Variants in TOM1L1 observed in about 807,000 individuals in gnomAD.
The protein encoded by TOM1L1 is TOM1-like protein 1.
Under a neutral mutation model 63.4 loss-of-function variants are expected in TOM1L1, and 64 were observed. That is an observed-to-expected ratio of 1.01 (90% CI 0.83 to 1.24). TOM1L1 has a LOEUF of 1.24. TOM1L1 is among the 50% of genes most tolerant of loss of function. The pLI is 0.00. For missense variants in TOM1L1, 536 were observed against 567.0 expected (o/e 0.95, Z 0.55); for synonymous variants, 166 against 194.4 (o/e 0.85, Z 1.22).
intron 14 of TOM1L1, chr17:54,953,507 G>C (rs1052503684): frequency 6.6e-6 from 1 of 152,320 alleles, no homozygotes; most frequent in Non-Finnish European, 1.5e-5. Context: ...CAGTTACAGG[G>C]AACAGGTACC....
At chr17:54,921,506 A>T (rs2048683233) in intron 7 of TOM1L1, among the ~76,000 whole-genome samples, 1 of 152,014 alleles carries the variant, frequency 6.6e-6, no homozygotes, top group Non-Finnish European at 1.5e-5. Context: ...TTGAGAGGCC[A>T]AGGCGGGTGG....
At chr17:54,904,491 C>G (rs1002728669) in intron 2 of TOM1L1, among the ~76,000 whole-genome samples, 13 of 152,124 alleles carry the variant, frequency 8.5e-5, no homozygotes, top group Non-Finnish European at 1.5e-5. Context: ...TGGTTGACTC[C>G]CGGTGGTGAC....
chr17:54,932,041 A>C (rs1389878389), intron 8 of TOM1L1, among the ~76,000 whole-genome samples: 2 of 148,302 alleles, frequency 1.3e-5, no homozygotes, highest in Non-Finnish European at 3.0e-5. Context: ...TGCAACCTCC[A>C]CCTTCTGGGT....
chr17:54,951,525 C>T (rs922491790), intron 14 of TOM1L1, among the ~76,000 whole-genome samples: 2 of 152,170 alleles, frequency 1.3e-5, no homozygotes, highest in Non-Finnish European at 2.9e-5. Flanking sequence ...TAGAGAAGGT[C>T]GAGAGATTCT....
rs372586768 is a variant in TOM1L1, at chr17:54,913,835, C to G, written c.460C>G (p.Pro154Ala). ...CCTGGTTAAGAAAGGCGTTCAGTTT[C>G]CTCCCTCAGAAGCAGAGGCTGAAAC... ...LDLVKKGVQF[P>A]PSEAEAETAR... Residue 154 changes from proline to alanine, a missense_variant, in exon 5 of 16, where the codon CCT becomes GCT. Coordinates refer to ENST00000575882, the MANE Select transcript of TOM1L1 (RefSeq NM_005486.3). 6.8e-6 allele frequency: 11 copies of G among 1,611,346 alleles called. No individual in the cohort carries two copies. Among genetic ancestry groups the G allele is most frequent in the Non-Finnish European group, 9.3e-6 (11 of 1,178,398 alleles).
At chr17:54,945,606 T>C (rs1231707923) in intron 11 of TOM1L1, among the ~76,000 whole-genome samples, 2 of 152,236 alleles carry the variant, frequency 1.3e-5, no homozygotes, top group East Asian at 3.8e-4. Context: ...CTTTCTGTGA[T>C]TTATGTTCAA....
chr17:54,956,780 G>C (rs2049529291), intron 14 of TOM1L1: 1 of 152,144 alleles, frequency 6.6e-6, no homozygotes, highest in Non-Finnish European at 1.5e-5. Flanking sequence ...TTTATTACTT[G>C]TCACAAATAA....
chr17:54,939,622 A>G (rs2049004679), intron 11 of TOM1L1, among the ~76,000 whole-genome samples: 1 of 152,280 alleles, frequency 6.6e-6, no homozygotes, highest in African/African-American at 2.4e-5. Flanking sequence ...CAGTAGCACC[A>G]TTATAACTCA....
chr17:54,931,963 TGTTTG>T (rs2048868730), intron 8 of TOM1L1, among the ~76,000 whole-genome samples: 2 of 81,164 alleles, frequency 2.5e-5, no homozygotes, highest in South Asian at 3.6e-4. Context: ...TTTTTTTGTT[TGTTTG>T]TTTGTTTGTT....
At position 54,936,639 on chromosome 17, in the gene TOM1L1, A is replaced by G; in HGVS notation, c.855-10A>G. On this transcript the variant is annotated splice_polypyrimidine_tract_variant and intron_variant, in intron 8 of 15. Coordinates refer to ENST00000575882, the MANE Select transcript of TOM1L1 (RefSeq NM_005486.3). ...TTTTAAAAACACATGCATTTTGATC[A>G]TTTAAACAGGTTTACTAGAAACCAA... 1 of 1,593,364 alleles carries G rather than the reference A, an allele frequency of 6.3e-7. No homozygotes were observed.
chr17:54,936,317 A>C (rs2048945478), intron 8 of TOM1L1: 1 of 192,244 alleles, frequency 5.2e-6, no homozygotes, highest in African/African-American at 2.3e-5. Flanking sequence ...AGCATACTCA[A>C]ATTAGGATAC....
At position 54,902,599 on chromosome 17, in the gene TOM1L1, T is replaced by G. The variant is rs929090180; in HGVS notation, c.59-1109T>G. On this transcript the variant is annotated intron_variant, in intron 1 of 15. Coordinates refer to ENST00000575882, the MANE Select transcript of TOM1L1 (RefSeq NM_005486.3). ...AGCCACCGGGCCCCGCCTCAAGTGG[T>G]TCTTTTCCTGGATTGAAAGCAAGCT... Among the ~76,000 whole-genome samples, 18 of 152,190 alleles carry G rather than the reference T, an allele frequency of 1.2e-4. 1 individual carries two copies. Among genetic ancestry groups the G allele is most frequent in the Non-Finnish European group, 1.8e-4 (12 of 68,024 alleles).
At chr17:54,925,091 T>C (rs1449109825) in intron 7 of TOM1L1, among the ~76,000 whole-genome samples, 1 of 152,250 alleles carries the variant, frequency 6.6e-6, no homozygotes, top group African/African-American at 2.4e-5. Flanking sequence ...AGCAAAGAGA[T>C]GACATACTTC....
rs186115587 is a variant in TOM1L1 at position 54,903,546 on chromosome 17, T to C, written c.59-162T>C. 125 of 658,620 alleles carry C rather than the reference T, an allele frequency of 1.9e-4. No individual in the cohort carries two copies. The African/African-American group carries it at 2.1e-3, about 11-fold the overall frequency. The allele number at this position is 658,620 out of a possible 1,614,324, so 40.8% of individuals were successfully genotyped here. A position where few individuals can be genotyped will look rare whatever the true frequency, so the allele number is the denominator to read the frequency against. On this transcript the variant is annotated intron_variant, in intron 1 of 15. Coordinates refer to ENST00000575882, the MANE Select transcript of TOM1L1 (RefSeq NM_005486.3). The stretch of plus-strand genomic sequence containing the variant: ...GCAGCACTCTGAACTTGGGTTCTGA[T>C]TGATTCCTGAATTACTGAGAACTGT...
chr17:54,926,456 TTTTG>T (rs141426560), intron 7 of TOM1L1, among the ~76,000 whole-genome samples: 6,337 of 152,122 alleles, frequency 0.042, 355 homozygotes, highest in African/African-American at 0.12. Context: ...ACTTTAATCT[TTTTG>T]TTTGTTTGTT....
chr17:54,961,778 T>G lies in TOM1L1; in HGVS notation c.*545T>G. 1 of 1,000,002 alleles carries G rather than the reference T, an allele frequency of 1.0e-6. No homozygotes were observed. Among genetic ancestry groups the G allele is most frequent in the Non-Finnish European group, 1.2e-6 (1 of 839,224 alleles). 61.9% of individuals were successfully genotyped at this position (1,000,002 alleles called of 1,614,324 possible). A position where few individuals can be genotyped will look rare whatever the true frequency, so the allele number is the denominator to read the frequency against. ...AATTGTCATTTAATTATATTTCAGG[T>G]GTCCTGAACAGGTCACTAGACTCTA... On this transcript the variant is annotated 3_prime_UTR_variant, in exon 16 of 16. Coordinates refer to ENST00000575882, the MANE Select transcript of TOM1L1 (RefSeq NM_005486.3).
chr17:54,920,829 G>T (rs1375033880), intron 7 of TOM1L1, among the ~76,000 whole-genome samples: 1 of 152,166 alleles, frequency 6.6e-6, no homozygotes, highest in African/African-American at 2.4e-5. Flanking sequence ...AAAATAATCA[G>T]CACTCATTAG....
At chr17:54,922,128 T>TA (rs2048694197) in intron 7 of TOM1L1, among the ~76,000 whole-genome samples, 1 of 151,446 alleles carries the variant, frequency 6.6e-6, no homozygotes, top group East Asian at 1.9e-4. Flanking sequence ...CCATCTCTAC[T>TA]AAAAAATACA....
At position 54,925,114 on chromosome 17, in the gene TOM1L1, T is replaced by C. The variant is rs116716742; in HGVS notation, c.721-4959T>C. On this transcript the variant is annotated intron_variant, in intron 7 of 15. Transcript: ENST00000575882. ...GATGACATACTTCATTTGGGTAATTTGAAGAAAGCTTAATCAAAATACTGT... is the reference window on the plus strand; with the variant it reads ...GATGACATACTTCATTTGGGTAATTCGAAGAAAGCTTAATCAAAATACTGT... 9.8e-3 allele frequency among the ~76,000 whole-genome samples: 1,491 copies of C among 152,352 alleles called. 20 individuals carry two copies. The highest frequency in any genetic ancestry group is 0.034 in the African/African-American group (1,401 of 41,574).
Sources: allele counts gnomAD v4.1 joint callset (sites outside exome capture counted in the v4.1 genomes callset), GRCh38; gene constraint gnomAD v4.1.1; transcripts MANE v1.5; gene names NCBI Gene and HGNC (gene_info 2026-07-23, HGNC 2026-07-21).